Variants in CEP131 observed in about 807,000 individuals in gnomAD.
The protein encoded by CEP131 is centrosomal protein 131, also known as centrosomal protein of 131 kDa.
A neutral mutation model predicts 136.8 loss-of-function variants in CEP131; 99 were observed. That is an observed-to-expected ratio of 0.72 (90% CI 0.62 to 0.86). The LOEUF is 0.86. CEP131 is among the 40% of genes least tolerant of loss of function. The pLI, the probability that CEP131 is intolerant of heterozygous loss-of-function variation, is 0.00. For missense variants in CEP131, 1,459 were observed against 1,463.0 expected (o/e 1.00, Z 0.04); for synonymous variants, 646 against 612.7 (o/e 1.05, Z -0.80).
intron 5 of CEP131, among the ~76,000 whole-genome samples, chr17:81,204,917 G>C (rs1281542047): frequency 6.6e-6 from 1 of 152,300 alleles, no homozygotes; most frequent in East Asian, 1.9e-4. Context: ...GACTGATTTT[G>C]AGCTGTTCAG....
intron 21 of CEP131, among the ~76,000 whole-genome samples, chr17:81,191,791 T>C (rs566184659): frequency 2.0e-5 from 3 of 152,290 alleles, no homozygotes; most frequent in Admixed American, 2.0e-4. Flanking sequence ...CCCAGAGGCA[T>C]CCACTGCCAA....
chr17:81,216,631 G>C (rs1296727788), intron 2 of CEP131, among the ~76,000 whole-genome samples: 1 of 152,262 alleles, frequency 6.6e-6, no homozygotes, highest in African/African-American at 2.4e-5. Context: ...TGTGCCCAGA[G>C]TAAGTGTGGG....
chr17:81,222,311 G>A (rs2062405446), intron 1 of CEP131, among the ~76,000 whole-genome samples: 1 of 152,120 alleles, frequency 6.6e-6, no homozygotes, highest in South Asian at 2.1e-4. Flanking sequence ...CCCTGACCCT[G>A]ACCCTGACCC....
At chr17:81,194,220 G>C in intron 17 of CEP131, 93 bp from the exon 18 acceptor site, 1 of 1,253,330 alleles carries the variant, frequency 8.0e-7, no homozygotes, top group Non-Finnish European at 1.1e-6. Context: ...CAGGCCCAGA[G>C]GGGACCCCGC....
chr17:81,208,894 G>A lies in CEP131; in HGVS notation c.272+34C>T. On this transcript the variant is annotated intron_variant, in intron 3 of 25. Coordinates refer to ENST00000450824, the MANE Select transcript of CEP131 (RefSeq NM_014984.4). This position sits in a 1 kb window ranked among gnomAD's most constrained non-coding sequence, Gnocchi z 5.6. ...GGTGGGGCACCTGAGGTCCCGGGAA[G>A]GGGCCAGGGTTATCCAAGGGCCTTA... 1.9e-6 allele frequency: 3 copies of A among 1,563,376 alleles called. No homozygotes were observed. Among genetic ancestry groups the A allele is most frequent in the South Asian group, 1.1e-5 (1 of 89,700 alleles).
chr17:81,206,092 T>TA (rs531709486), intron 5 of CEP131, among the ~76,000 whole-genome samples: 61 of 152,064 alleles, frequency 4.0e-4, no homozygotes, highest in African/African-American at 1.4e-3. Context: ...CACGTGCTTA[T>TA]AATCTCAGCT....
At chr17:81,190,103 T>A (rs1319832330) in intron 24 of CEP131, 128 bp from the exon 25 acceptor site, 5 of 834,876 alleles carry the variant, frequency 6.0e-6, no homozygotes, top group Non-Finnish European at 9.1e-6. Context: ...CCACGACTCC[T>A]GTGGCTGGCC....
Position 81,209,014 on chromosome 17 carries a change from T to C in CEP131, c.186A>G (p.Thr62=). 2.5e-6 allele frequency: 4 copies of C among 1,611,808 alleles called. No homozygotes were observed. The highest frequency in any genetic ancestry group is 3.4e-6 in the Non-Finnish European group (4 of 1,178,352). The stretch of plus-strand genomic sequence containing the variant: ...TGATGGCCTGGGAGCCCCCAGGCCC[T>C]GTGGCCTCCTGCAAAAAGGGAGAAA... The part of the protein sequence containing the change: ...SEQKRKVLEA[T]GPGGSQAINN... Residue 62 remains threonine, a synonymous_variant, in exon 3 of 26, where the codon ACA becomes ACG. Transcript: ENST00000450824.
In CEP131 at chr17:81,199,498, G is replaced by A. The variant is rs763309058; in HGVS notation, c.1075C>T (p.Arg359Cys). Residue 359 changes from arginine to cysteine, a missense_variant, in exon 10 of 26, where the codon CGT becomes TGT. Arg to Cys is a radical substitution (Grantham distance 180, BLOSUM62 -3). Coordinates refer to ENST00000450824, the MANE Select transcript of CEP131 (RefSeq NM_014984.4). ...TCCCTGGGATTCTCAGGTGGCCCACGCTCGGCAGTGCTCGCCTTCTGGGCT... is the reference window on the plus strand; with the variant it reads ...TCCCTGGGATTCTCAGGTGGCCCACACTCGGCAGTGCTCGCCTTCTGGGCT... ...LRAQKASTAERGPPENPRETR... is the reference protein window; with the variant it reads ...LRAQKASTAECGPPENPRETR... 5.8e-5 allele frequency: 93 copies of A among 1,608,204 alleles called. No homozygotes were observed. Among genetic ancestry groups the A allele is most frequent in the Admixed American group, 4.4e-4 (26 of 59,572 alleles).
At chr17:81,198,390 C>A in intron 11 of CEP131, 93 bp from the exon 12 acceptor site, 1 of 1,311,448 alleles carries the variant, frequency 7.6e-7, no homozygotes, top group Non-Finnish European at 1.0e-6. Context: ...CCAAAGGCGC[C>A]GCGGGAGCTC....
At chr17:81,207,525 T>A (rs529944053) in intron 3 of CEP131, among the ~76,000 whole-genome samples, 2 of 150,864 alleles carry the variant, frequency 1.3e-5, no homozygotes, top group African/African-American at 4.9e-5. Flanking sequence ...TTTTTTTTTA[T>A]GTTAGTAGAG....
intron 2 of CEP131, among the ~76,000 whole-genome samples, chr17:81,209,353 T>G (rs570038790): frequency 2.1e-4 from 32 of 152,304 alleles, no homozygotes; most frequent in Admixed American, 5.9e-4. Context: ...CCACCTTCAG[T>G]GGATGAGAAC....
At chr17:81,217,840 A>T (rs1449326428) in intron 2 of CEP131, among the ~76,000 whole-genome samples, 1 of 152,174 alleles carries the variant, frequency 6.6e-6, no homozygotes, top group African/African-American at 2.4e-5. Context: ...CTACTCAGCA[A>T]CAGAACATTT....
At chr17:81,210,653 C>T (rs1421735994) in intron 2 of CEP131, among the ~76,000 whole-genome samples, 1 of 152,140 alleles carries the variant, frequency 6.6e-6, no homozygotes, top group African/African-American at 2.4e-5. Context: ...GGGAACACCA[C>T]CGGATGCCAC....
chr17:81,191,225 G>C lies in CEP131; in HGVS notation c.2733C>G (p.Ala911=). The C allele has an allele frequency of 6.2e-7, 1 of 1,613,024 alleles. No homozygotes were observed. The highest frequency in any genetic ancestry group is 1.1e-5 in the South Asian group (1 of 91,082). The stretch of plus-strand genomic sequence containing the variant: ...CGGCAGCCTTCTCACTCTCCTCCTT[G>C]GCCAGCGCCATGTCGGCCTCCAGCC... ...IHRLEADMAL[A]KEESEKAAES... is the part of the protein sequence containing the mutation. The change falls in exon 22 of 26, where the codon GCC becomes GCG. Residue 911 remains alanine (A), a synonymous_variant. Coordinates refer to ENST00000450824, the MANE Select transcript of CEP131 (RefSeq NM_014984.4).
At chr17:81,195,023 C>T in intron 16 of CEP131, 51 bp from the exon 17 acceptor site, 1 of 1,428,180 alleles carries the variant, frequency 7.0e-7, no homozygotes. Context: ...ACCCCCGTCC[C>T]TTTGCCACCC....
At chr17:81,212,529 T>C (rs556644479) in intron 2 of CEP131, among the ~76,000 whole-genome samples, 1 of 146,806 alleles carries the variant, frequency 6.8e-6, no homozygotes, top group Non-Finnish European at 1.5e-5. Flanking sequence ...CTAATAGCCC[T>C]GGGCAGGAGT....
rs1483134076 is a variant in CEP131 at position 81,219,259 on chromosome 17, C to T, written c.177+621G>A. Reference sequence around the variant, plus strand: ...TAGGTTTCTCCAAGGCCACCAGGAGCTCATCACCCCTCCCCACAGGTCAAC... The same window carrying T: ...TAGGTTTCTCCAAGGCCACCAGGAGTTCATCACCCCTCCCCACAGGTCAAC... On this transcript the variant is annotated intron_variant, in intron 2 of 25. Coordinates refer to ENST00000450824, the MANE Select transcript of CEP131 (RefSeq NM_014984.4). The surrounding 1 kb of genome is among the most constrained non-coding windows in gnomAD (Gnocchi z 4.0). Among the ~76,000 whole-genome samples, 1 of 120,836 alleles carries T rather than the reference C, an allele frequency of 8.3e-6. No individual in the cohort carries two copies. The highest frequency in any genetic ancestry group is 1.8e-5 in the Non-Finnish European group (1 of 54,358). The allele number at this position is 120,836 out of a possible 152,430, so 79.3% of individuals were successfully genotyped here.
At position 81,191,317 on chromosome 17, in the gene CEP131, G is replaced by A. The variant is rs771551784; in HGVS notation, c.2641C>T (p.Arg881Trp). Residue 881 changes from arginine to tryptophan, a missense_variant, in exon 22 of 26, where the codon CGG becomes TGG. Physicochemically the swap from Arg to Trp is moderately radical, Grantham distance 101. Around this residue, in one of 3 missense-constraint regions of CEP131, gnomAD observed 1,026 missense variants for 964.2 expected, o/e 1.06. Coordinates refer to ENST00000450824, the MANE Select transcript of CEP131 (RefSeq NM_014984.4). The part of the protein sequence containing the change: ...TRKEEAWLLN[R>W]EQELREEIRK... ...ATTTCTTCCCTCAGCTCCTGTTCCCGGTTCAGCAGCCACGCCTCCTGGGGG... is the reference window on the plus strand; with the variant it reads ...ATTTCTTCCCTCAGCTCCTGTTCCCAGTTCAGCAGCCACGCCTCCTGGGGG... 3.3e-5 allele frequency: 54 copies of A among 1,612,990 alleles called. No individual in the cohort carries two copies. Among genetic ancestry groups the A allele is most frequent in the Non-Finnish European group, 4.2e-5 (49 of 1,179,930 alleles).
Sources: gnomAD v4.1 joint callset for allele counts (sites outside exome capture counted in the v4.1 genomes callset) on GRCh38, gnomAD v4.1.1 for gene constraint, gnomAD v4.1.1 regional missense constraint, Gnocchi (gnomAD v3.1) non-coding constraint, MANE v1.5 for transcripts, NCBI Gene and HGNC (gene_info 2026-07-23, HGNC 2026-07-21) for gene names.